The following HPSE2 variants were observed in gnomAD, a reference collection of about 807,000 sequenced individuals.
HPSE2 encodes heparanase 2 (inactive).
HPSE2 carries 38 observed loss-of-function variants against 60.5 expected under a neutral mutation model. The ratio of observed to expected loss-of-function variants is 0.63; its 90% CI spans 0.48 to 0.82. HPSE2 has a LOEUF of 0.82. Ranked by LOEUF, HPSE2 falls within the 40% of genes least tolerant of loss-of-function variation. HPSE2 has a pLI of 0.00. For missense variants in HPSE2, 713 were observed against 740.4 expected (o/e 0.96, Z 0.43); for synonymous variants, 295 against 293.2 (o/e 1.01, Z -0.06).
At chr10:99,020,096 C>T (rs570915744) in intron 3 of HPSE2, among the ~76,000 whole-genome samples, 4 of 152,212 alleles carry the variant, frequency 2.6e-5, no homozygotes, top group Non-Finnish European at 5.9e-5. Flanking sequence ...AGGATCCTCT[C>T]CCAGAGCTCA....
At chr10:99,159,393 G>A (rs985406390) in intron 2 of HPSE2, among the ~76,000 whole-genome samples, 8 of 152,162 alleles carry the variant, frequency 5.3e-5, no homozygotes, top group African/African-American at 1.9e-4. Flanking sequence ...GTATGAGGTA[G>A]TTGCTTTTGC....
intron 3 of HPSE2, among the ~76,000 whole-genome samples, chr10:99,007,843 C>T (rs1367339100): frequency 6.6e-6 from 1 of 152,148 alleles, no homozygotes; most frequent in Non-Finnish European, 1.5e-5. Context: ...AGTTCCTTAC[C>T]CAGGTCCAAC....
intron 3 of HPSE2, among the ~76,000 whole-genome samples, chr10:98,859,188 G>A (rs1005493415): frequency 1.3e-5 from 2 of 152,148 alleles, no homozygotes; most frequent in Non-Finnish European, 2.9e-5. Flanking sequence ...ATTTGTTTAT[G>A]TATTGCCTAC....
chr10:98,585,367 G>C (rs746256152), intron 9 of HPSE2, among the ~76,000 whole-genome samples: 1 of 151,726 alleles, frequency 6.6e-6, no homozygotes, highest in Non-Finnish European at 1.5e-5. Flanking sequence ...CACCTCCCAG[G>C]TTCAAGTGAT....
chr10:99,033,753 C>A (rs1402025486), intron 3 of HPSE2, among the ~76,000 whole-genome samples: 1 of 151,844 alleles, frequency 6.6e-6, no homozygotes, highest in Middle Eastern at 3.2e-3. Flanking sequence ...ACTCACTGCA[C>A]TCCAGCCTGA....
intron 3 of HPSE2, among the ~76,000 whole-genome samples, chr10:98,842,375 C>T (rs1423935105): frequency 1.3e-5 from 2 of 152,076 alleles, no homozygotes; most frequent in East Asian, 1.9e-4. Context: ...TGGTCTCTGC[C>T]ACAAGTTACT....
chr10:98,829,499 C>T (rs371622939), intron 3 of HPSE2, among the ~76,000 whole-genome samples: 34 of 151,266 alleles, frequency 2.2e-4, no homozygotes, highest in African/African-American at 7.0e-4. Flanking sequence ...CCAGCCTGGG[C>T]GACACAGTGA....
intron 3 of HPSE2, among the ~76,000 whole-genome samples, chr10:99,055,020 A>G (rs1958079562): frequency 6.6e-6 from 1 of 152,116 alleles, no homozygotes; most frequent in Admixed American, 6.6e-5. Flanking sequence ...CCTACTCTAC[A>G]ATATTTTTAA....
At chr10:98,880,162 TC>T (rs1443399954) in intron 3 of HPSE2, among the ~76,000 whole-genome samples, 1 of 152,048 alleles carries the variant, frequency 6.6e-6, no homozygotes, top group African/African-American at 2.4e-5. Flanking sequence ...TAGAAACATT[TC>T]CTTTTTCTTA....
intron 3 of HPSE2, among the ~76,000 whole-genome samples, chr10:98,821,488 C>T: frequency 6.6e-6 from 1 of 152,198 alleles, no homozygotes; most frequent in Middle Eastern, 3.4e-3. Flanking sequence ...GGTCAGTTGA[C>T]AAAAATGTGC....
chr10:98,969,965 C>CTT (rs34345841), intron 3 of HPSE2, among the ~76,000 whole-genome samples: 15 of 146,478 alleles, frequency 1.0e-4, no homozygotes, highest in South Asian at 2.2e-4. Flanking sequence ...CTGTCACCCA[C>CTT]TTTTTTTTTT....
At chr10:98,805,437 A>G (rs1412620813) in intron 3 of HPSE2, among the ~76,000 whole-genome samples, 1 of 152,186 alleles carries the variant, frequency 6.6e-6, no homozygotes, top group Non-Finnish European at 1.5e-5. Context: ...ATTTTCCATA[A>G]TGTGATTAGT....
chr10:99,111,959 G>A (rs962382702), intron 3 of HPSE2, among the ~76,000 whole-genome samples: 3 of 152,194 alleles, frequency 2.0e-5, no homozygotes, highest in Admixed American at 6.5e-5. Context: ...AGTGAGGGCA[G>A]GGATTGGGTC....
intron 3 of HPSE2, among the ~76,000 whole-genome samples, chr10:98,762,361 A>T (rs1380672349): frequency 6.6e-6 from 1 of 151,944 alleles, no homozygotes; most frequent in Admixed American, 6.6e-5. Flanking sequence ...AGTGAGGAAA[A>T]GTCTCTTAAA....
At chr10:98,762,107 A>G (rs1182763596) in intron 3 of HPSE2, among the ~76,000 whole-genome samples, 1 of 150,290 alleles carries the variant, frequency 6.7e-6, no homozygotes, top group Non-Finnish European at 1.5e-5. Context: ...TTTTATGGCT[A>G]TGACATTGAT....
Position 98,675,579 on chromosome 10 carries a change from A to ACACACAC in HPSE2, c.1004+18320_1004+18321insGTGTGTG, listed in dbSNP as rs59595985. Among the ~76,000 whole-genome samples, 762 of 122,304 alleles carry ACACACAC rather than the reference A, an allele frequency of 6.2e-3. 7 individuals are homozygous for ACACACAC. The highest frequency in any genetic ancestry group is 0.012 in the Middle Eastern group (3 of 248). The allele number at this position is 122,304 out of a possible 152,430, so 80.2% of individuals were successfully genotyped here. Reference sequence around the variant, plus strand: ...ACACACACACACACACACACACACAATAACCAGCCATGGTGGCACACACCT... The same window carrying ACACACAC: ...ACACACACACACACACACACACACAACACACACTAACCAGCCATGGTGGCACACACCT... On this transcript the variant is annotated intron_variant, in intron 6 of 11. Coordinates refer to ENST00000370552, the MANE Select transcript of HPSE2 (RefSeq NM_021828.5).
chr10:98,538,890 G>A (rs926586595), intron 9 of HPSE2, among the ~76,000 whole-genome samples: 46 of 152,156 alleles, frequency 3.0e-4, no homozygotes, highest in African/African-American at 9.6e-4. Flanking sequence ...ACGCATTTGC[G>A]GGGACAGTGA....
At chr10:99,104,918 CG>C (rs1844176174) in intron 3 of HPSE2, among the ~76,000 whole-genome samples, 1 of 151,170 alleles carries the variant, frequency 6.6e-6, no homozygotes, top group African/African-American at 2.4e-5. Flanking sequence ...GTCGTGGGGT[CG>C]GGGGAGAGGG....
chr10:98,719,116 A>C (rs577164079), intron 5 of HPSE2, among the ~76,000 whole-genome samples: 115 of 152,284 alleles, frequency 7.6e-4, no homozygotes, highest in Non-Finnish European at 1.4e-3. Flanking sequence ...TTATTTATAC[A>C]ATGCTTTTCA....
Sources: allele counts gnomAD v4.1 joint callset (sites outside exome capture counted in the v4.1 genomes callset), GRCh38; gene constraint gnomAD v4.1.1; transcripts MANE v1.5; gene names NCBI Gene and HGNC (gene_info 2026-07-23, HGNC 2026-07-21).